HYCC2: variants seen among roughly 807,000 people sequenced by gnomAD.
HYCC2 encodes the protein hyccin 2.
the HYCC2 span, among the ~76,000 whole-genome samples, chr2:201,025,449 A>AAAAG: frequency 2.6e-5 from 4 of 151,306 alleles, no homozygotes; most frequent in African/African-American, 7.4e-5. Context: ...AAAGAAAGAA[A>AAAAG]AAAGAAAGAA....
chr2:200,998,577 C>A, the HYCC2 span, among the ~76,000 whole-genome samples: 1 of 152,116 alleles, frequency 6.6e-6, no homozygotes, highest in Non-Finnish European at 1.5e-5. Context: ...GTGTCCAGCA[C>A]GGTGTCTAAT....
At chr2:201,063,628 C>T in the HYCC2 span, 2 of 1,578,612 alleles carry the variant, frequency 1.3e-6, no homozygotes, top group Non-Finnish European at 1.7e-6. Flanking sequence ...TTAGAAAAGC[C>T]CTGTCAAAGC....
the HYCC2 span, among the ~76,000 whole-genome samples, chr2:201,055,917 G>A: frequency 2.6e-5 from 4 of 151,322 alleles, no homozygotes; most frequent in East Asian, 4.0e-4. Context: ...AGCTGGGCAC[G>A]GTGGCTCACA....
At chr2:201,065,669 G>GT in the HYCC2 span, among the ~76,000 whole-genome samples, 5 of 152,224 alleles carry the variant, frequency 3.3e-5, no homozygotes, top group Non-Finnish European at 5.9e-5. Flanking sequence ...CAGATGAAGC[G>GT]TAAGGGTTAA....
chr2:201,063,807 G>A, the HYCC2 span: 32 of 1,591,000 alleles, frequency 2.0e-5, no homozygotes, highest in Admixed American at 8.3e-5. Context: ...TATGATGGCA[G>A]TGGGGATGGC....
At chr2:201,008,595 T>TAAATAAATAAATAAATGGGC in the HYCC2 span, among the ~76,000 whole-genome samples, 4,257 of 151,960 alleles carry the variant, frequency 0.028, 212 homozygotes, top group African/African-American at 0.098. Flanking sequence ...ACTCTGTCTC[T>TAAATAAATAAATAAATGGGC]AAATAAATAA....
chr2:201,049,528 A>T, the HYCC2 span, among the ~76,000 whole-genome samples: 79 of 142,218 alleles, frequency 5.6e-4, no homozygotes, highest in Middle Eastern at 0.021. Context: ...TTTTTTTTTT[A>T]ATTTTTAGTA....
the HYCC2 span, among the ~76,000 whole-genome samples, chr2:201,070,158 T>C: frequency 6.6e-6 from 1 of 152,192 alleles, no homozygotes; most frequent in Non-Finnish European, 1.5e-5. Flanking sequence ...TAACACATAC[T>C]GAATAGAATT....
the HYCC2 span, among the ~76,000 whole-genome samples, chr2:201,003,360 C>A: frequency 6.6e-6 from 1 of 152,110 alleles, no homozygotes; most frequent in African/African-American, 2.4e-5. Context: ...AAGACTTATT[C>A]TTTAAAAAGC....
At chr2:201,063,445 T>C in the HYCC2 span, 1 of 1,590,216 alleles carries the variant, frequency 6.3e-7, no homozygotes, top group Non-Finnish European at 8.5e-7. Context: ...CTGAAGAACA[T>C]CACCTAAGAG....
chr2:201,011,833 C>T, the HYCC2 span, among the ~76,000 whole-genome samples: 182 of 152,234 alleles, frequency 1.2e-3, no homozygotes, highest in African/African-American at 4.1e-3. Context: ...AAAAACATGG[C>T]TATGCTAAAC....
At chr2:201,051,191 C>G in the HYCC2 span, among the ~76,000 whole-genome samples, 1 of 152,000 alleles carries the variant, frequency 6.6e-6, no homozygotes, top group Non-Finnish European at 1.5e-5. Context: ...ATGACACATT[C>G]AATATTCAGT....
chr2:200,989,014 C>CAGCT, the HYCC2 span, among the ~76,000 whole-genome samples: 2 of 152,236 alleles, frequency 1.3e-5, no homozygotes, highest in Admixed American at 6.5e-5. Context: ...TGTGCCTGAT[C>CAGCT]AGCTCACTCA....
the HYCC2 span, among the ~76,000 whole-genome samples, chr2:201,060,750 C>T: frequency 6.6e-6 from 1 of 152,172 alleles, no homozygotes; most frequent in Non-Finnish European, 1.5e-5. Flanking sequence ...GAGACTCCAG[C>T]AACAAATTTG....
chr2:201,042,579 A>G, the HYCC2 span, among the ~76,000 whole-genome samples: 2 of 143,038 alleles, frequency 1.4e-5, no homozygotes, highest in Non-Finnish European at 3.0e-5. Context: ...GCCCCGTCTG[A>G]GAAGTGAGGA....
chr2:200,995,029 A>G, the HYCC2 span, among the ~76,000 whole-genome samples: 3 of 151,952 alleles, frequency 2.0e-5, no homozygotes, highest in Non-Finnish European at 4.4e-5. Flanking sequence ...AAGAAAGAAA[A>G]AAATTCTATT....
chr2:201,035,185 C>T, the HYCC2 span, among the ~76,000 whole-genome samples: 1 of 152,174 alleles, frequency 6.6e-6, no homozygotes, highest in Non-Finnish European at 1.5e-5. Flanking sequence ...TGGATAATCT[C>T]CTGCAGAGTG....
the HYCC2 span, chr2:200,974,482 A>G: frequency 2.4e-3 from 363 of 152,164 alleles, 1 homozygote; most frequent in African/African-American, 8.0e-3. Flanking sequence ...AATAAAAAAG[A>G]TTCAGTGTCA....
At chr2:200,995,721 T>C in the HYCC2 span, among the ~76,000 whole-genome samples, 4 of 152,132 alleles carry the variant, frequency 2.6e-5, no homozygotes, top group Non-Finnish European at 4.4e-5. Flanking sequence ...CCAGCTAACA[T>C]CTTAACTGCA....
Sources: gnomAD v4.1 joint callset for allele counts (sites outside exome capture counted in the v4.1 genomes callset) on GRCh38, gnomAD v4.1.1 for gene constraint, MANE v1.5 for transcripts, NCBI Gene and HGNC (gene_info 2026-07-23, HGNC 2026-07-21) for gene names.